ADRA1B: variants seen among roughly 807,000 people sequenced by gnomAD.
The protein encoded by ADRA1B is adrenoceptor alpha 1B.
In ADRA1B, 17 loss-of-function variants were observed where a neutral mutation model predicts 17.9. The observed-to-expected ratio is 0.95, with a 90% CI of 0.65 to 1.42. The LOEUF (loss-of-function observed/expected upper bound fraction) is 1.42, where lower values mean the gene tolerates loss of function less well. Ranked by LOEUF, ADRA1B falls within the 40% of genes most tolerant of loss-of-function variation. The pLI, the probability that ADRA1B is intolerant of heterozygous loss-of-function variation, is 0.00. For missense variants in ADRA1B, 681 were observed against 722.1 expected (o/e 0.94, Z 0.65); for synonymous variants, 366 against 327.6 (o/e 1.12, Z -1.27).
chr5:159,958,078 CA>C, intron 1 of ADRA1B, among the ~76,000 whole-genome samples: 1 of 151,944 alleles, frequency 6.6e-6, no homozygotes, highest in African/African-American at 2.4e-5. Flanking sequence ...ACAAATTCAT[CA>C]ATACATTTAT....
At chr5:159,878,337 G>T (rs1581017322) in intron 1 of ADRA1B, among the ~76,000 whole-genome samples, 1 of 152,338 alleles carries the variant, frequency 6.6e-6, no homozygotes, top group East Asian at 1.9e-4. Context: ...TCCTGCCCCA[G>T]ATGGGAACAA....
chr5:159,933,526 C>T (rs1252461062), intron 1 of ADRA1B, among the ~76,000 whole-genome samples: 1 of 152,230 alleles, frequency 6.6e-6, no homozygotes, highest in Non-Finnish European at 1.5e-5. Context: ...CGTTGACTTC[C>T]TCCTGAGGTG....
intron 1 of ADRA1B, among the ~76,000 whole-genome samples, chr5:159,923,349 C>T (rs978052385): frequency 1.3e-5 from 2 of 152,364 alleles, no homozygotes; most frequent in Admixed American, 1.3e-4. Flanking sequence ...TCAGACGAGA[C>T]AGGTAGGAGG....
At chr5:159,877,698 C>T (rs1753817834) in intron 1 of ADRA1B, among the ~76,000 whole-genome samples, 1 of 152,104 alleles carries the variant, frequency 6.6e-6, no homozygotes, top group African/African-American at 2.4e-5. Flanking sequence ...TGCTCTCAGC[C>T]CCATAAGGTA....
chr5:159,969,736 G>A (rs980569132), intron 1 of ADRA1B, among the ~76,000 whole-genome samples: 9 of 152,126 alleles, frequency 5.9e-5, no homozygotes, highest in African/African-American at 2.2e-4. Context: ...ATGGTTAGAA[G>A]ATACAAAATG....
rs138445466 is a variant in ADRA1B at position 159,905,212 on chromosome 5, G to A, written c.-255-10907G>A. ...GGGTTATAGTTGAAAGGAAGAGAGGGTTGCAGAGAGGAGAATAGGTTTCTA... is the reference window on the plus strand; with the variant it reads ...GGGTTATAGTTGAAAGGAAGAGAGGATTGCAGAGAGGAGAATAGGTTTCTA... On this transcript the variant is annotated intron_variant, in intron 1 of 2. Transcript: ENST00000641205. 5.9e-5 allele frequency among the ~76,000 whole-genome samples: 9 copies of A among 152,300 alleles called. No homozygotes were observed. In the East Asian group the frequency reaches 1.7e-3, roughly 29 times the overall value.
chr5:159,930,762 A>G (rs1230569922), intron 1 of ADRA1B, among the ~76,000 whole-genome samples: 1 of 152,040 alleles, frequency 6.6e-6, no homozygotes, highest in Non-Finnish European at 1.5e-5. Context: ...GTAGATTATT[A>G]GCTTTTTTAT....
intron 1 of ADRA1B, among the ~76,000 whole-genome samples, chr5:159,923,546 G>A (rs184893106): frequency 6.6e-6 from 1 of 152,384 alleles, no homozygotes; most frequent in African/African-American, 2.4e-5. Flanking sequence ...TTGAGAAGGG[G>A]AACAGAGTGG....
In ADRA1B at chr5:159,897,199, T is replaced by C. The variant is rs548243421; in HGVS notation, c.-255-18920T>C. ...TAACTAACCTGGCTATGCTTAGGAC[T>C]GGTCCCAGTCAGGCGTGGTGGCTCA... On this transcript the variant is annotated intron_variant, in intron 1 of 2. Transcript: ENST00000641205. 5.3e-5 allele frequency among the ~76,000 whole-genome samples: 8 copies of C among 152,312 alleles called. No individual in the cohort carries two copies. The South Asian group carries it at 1.0e-3, about 20-fold the overall frequency.
At chr5:159,884,273 T>C (rs1753900153) in intron 1 of ADRA1B, among the ~76,000 whole-genome samples, 1 of 152,196 alleles carries the variant, frequency 6.6e-6, no homozygotes, top group Non-Finnish European at 1.5e-5. Flanking sequence ...GTTCATATGC[T>C]GGAAATTTGA....
chr5:159,975,391 C>T (rs747588342), downstream of ADRA1B, among the ~76,000 whole-genome samples: 41 of 152,214 alleles, frequency 2.7e-4, no homozygotes, highest in Non-Finnish European at 1.0e-4. Context: ...GGCAGTTCAT[C>T]TTGCCTCTTC....
At chr5:159,975,484 A>C (rs939756171), downstream of ADRA1B, among the ~76,000 whole-genome samples, 1 of 152,200 alleles carries the variant, frequency 6.6e-6, no homozygotes, top group Admixed American at 6.5e-5. Flanking sequence ...TAAACACCGA[A>C]ATGCAAATCA....
intron 1 of ADRA1B, among the ~76,000 whole-genome samples, chr5:159,902,322 G>A (rs1227948401): frequency 6.6e-6 from 1 of 152,128 alleles, no homozygotes; most frequent in Non-Finnish European, 1.5e-5. Flanking sequence ...TGGGGCTGGG[G>A]GAGGCGGAAT....
intron 1 of ADRA1B, among the ~76,000 whole-genome samples, chr5:159,930,483 G>A (rs1397789897): frequency 6.6e-6 from 1 of 152,176 alleles, no homozygotes; most frequent in Non-Finnish European, 1.5e-5. Flanking sequence ...ATAAAAATTA[G>A]CCAGAGAATC....
intron 1 of ADRA1B, among the ~76,000 whole-genome samples, chr5:159,898,400 G>A (rs7729196): frequency 0.26 from 39,948 of 152,072 alleles, 5,420 homozygotes; most frequent in Non-Finnish European, 0.28. Context: ...ATTCCCAGAA[G>A]TGGGGTGTGT....
the ADRA1B span, among the ~76,000 whole-genome samples, chr5:159,988,853 A>C: frequency 6.6e-6 from 1 of 152,172 alleles, no homozygotes; most frequent in Non-Finnish European, 1.5e-5. Context: ...GGTGATATGC[A>C]CCTATATTCC....
intron 1 of ADRA1B, among the ~76,000 whole-genome samples, chr5:159,892,614 T>C (rs1018072381): frequency 1.3e-5 from 2 of 152,234 alleles, no homozygotes; most frequent in Non-Finnish European, 2.9e-5. Flanking sequence ...GTTTGTTTGC[T>C]GAGGATAATG....
chr5:159,873,589 T>A (rs1011308732), intron 1 of ADRA1B, among the ~76,000 whole-genome samples: 1 of 152,210 alleles, frequency 6.6e-6, no homozygotes, highest in Non-Finnish European at 1.5e-5. Flanking sequence ...CAAGTGCCGA[T>A]CCCTAACAAC....
chr5:159,921,424 A>G (rs1754477215), intron 1 of ADRA1B, among the ~76,000 whole-genome samples: 1 of 152,232 alleles, frequency 6.6e-6, no homozygotes, highest in Non-Finnish European at 1.5e-5. Context: ...GCTGCCCAGC[A>G]TTAAAATGAA....
Sources: gnomAD v4.1 joint callset for allele counts (sites outside exome capture counted in the v4.1 genomes callset) on GRCh38, gnomAD v4.1.1 for gene constraint, MANE v1.5 for transcripts, NCBI Gene and HGNC (gene_info 2026-07-23, HGNC 2026-07-21) for gene names.